The following ADAMTS17 variants were observed in gnomAD, a reference collection of about 807,000 sequenced individuals.
ADAMTS17 encodes A disintegrin and metalloproteinase with thrombospondin motifs 17.
A neutral mutation model predicts 141.5 loss-of-function variants in ADAMTS17; 113 were observed. The ratio of observed to expected loss-of-function variants is 0.80; its 90% confidence interval spans 0.69 to 0.93. The LOEUF (loss-of-function observed/expected upper bound fraction) is 0.93. Ranked by LOEUF, ADAMTS17 falls within the 40% of genes least tolerant of loss-of-function variation. The pLI is 0.00. For missense variants in ADAMTS17, 1,659 were observed against 1,517.9 expected (o/e 1.09, Z -1.54); for synonymous variants, 768 against 630.6 (o/e 1.22, Z -3.27).
At chr15:100,126,461 G>A (rs933075884) in intron 12 of ADAMTS17, 24 of 152,374 alleles carry the variant, frequency 1.6e-4, no homozygotes, top group African/African-American at 5.5e-4. Context: ...CTGTGTTGAA[G>A]CTTGTTCTCA....
At chr15:100,097,160 C>CT (rs1029941017) in intron 14 of ADAMTS17, among the ~76,000 whole-genome samples, 10 of 152,272 alleles carry the variant, frequency 6.6e-5, no homozygotes, top group African/African-American at 2.2e-4. Context: ...GTTTTGGACT[C>CT]TTTTTTTCTT....
intron 3 of ADAMTS17, among the ~76,000 whole-genome samples, chr15:100,327,348 T>G (rs141398667): frequency 2.1e-3 from 325 of 152,350 alleles, no homozygotes; most frequent in African/African-American, 7.6e-3. Context: ...CACAATGATT[T>G]TTTGAAACAA....
chr15:100,295,455 A>T (rs903080275), intron 3 of ADAMTS17, among the ~76,000 whole-genome samples: 2 of 152,108 alleles, frequency 1.3e-5, no homozygotes, highest in African/African-American at 2.4e-5. Flanking sequence ...ATACAGGACA[A>T]CTATGGTTCC....
At chr15:100,084,789 G>T (rs2034991330) in intron 15 of ADAMTS17, among the ~76,000 whole-genome samples, 1 of 152,220 alleles carries the variant, frequency 6.6e-6, no homozygotes, top group Non-Finnish European at 1.5e-5. Context: ...GGTCCTCACT[G>T]TCAGAAGGAA....
Position 100,290,213 on chromosome 15 carries a change from A to AAAATCAG in ADAMTS17, c.617-8813_617-8812insCTGATTT, listed in dbSNP as rs1478359728. Among the ~76,000 whole-genome samples the AAAATCAG allele has an allele frequency of 3.3e-5, 5 of 152,196 alleles. No homozygotes were observed. In the East Asian group the frequency reaches 9.6e-4, roughly 29 times the overall value. ...AAATCAGTAGCATTTCTATATACCA[A>AAAATCAG]TGACATCCAAGATGAGTGCAAATCA... On this transcript the variant is annotated intron_variant, in intron 3 of 21. Coordinates refer to ENST00000268070, the MANE Select transcript of ADAMTS17 (RefSeq NM_139057.4).
At chr15:100,289,480 A>C (rs1470432874) in intron 3 of ADAMTS17, among the ~76,000 whole-genome samples, 2 of 152,110 alleles carry the variant, frequency 1.3e-5, no homozygotes, top group Non-Finnish European at 2.9e-5. Context: ...TCCCTAACTC[A>C]TTCTATATGG....
intron 3 of ADAMTS17, among the ~76,000 whole-genome samples, chr15:100,316,097 G>GT (rs1029831786): frequency 5.3e-5 from 8 of 152,176 alleles, no homozygotes; most frequent in Admixed American, 3.3e-4. Flanking sequence ...ACTACACAAG[G>GT]TTTTTTAGAA....
chr15:100,201,621 C>T (rs2141652315), intron 7 of ADAMTS17, among the ~76,000 whole-genome samples: 1 of 152,308 alleles, frequency 6.6e-6, no homozygotes, highest in East Asian at 1.9e-4. Context: ...GGCCCAGGTA[C>T]CTCATTGTGG....
chr15:100,223,844 TTATTAAG>T (rs2042218123), intron 7 of ADAMTS17, among the ~76,000 whole-genome samples: 1 of 151,842 alleles, frequency 6.6e-6, no homozygotes, highest in Admixed American at 6.6e-5. Context: ...TATATGGAGT[TTATTAAG>T]TATTAACTTA....
chr15:100,311,347 G>A (rs1055977754), intron 3 of ADAMTS17, among the ~76,000 whole-genome samples: 3 of 152,200 alleles, frequency 2.0e-5, no homozygotes, highest in African/African-American at 2.4e-5. Context: ...TCACTCAGCC[G>A]CCTGGCCCAT....
chr15:100,084,355 T>G (rs913981655), intron 15 of ADAMTS17, among the ~76,000 whole-genome samples: 2 of 152,220 alleles, frequency 1.3e-5, no homozygotes, highest in African/African-American at 4.8e-5. Context: ...AAGCTCGAAC[T>G]GGGTGGAGCC....
In ADAMTS17 at chr15:100,221,449, A is replaced by G. The variant is rs377393002; in HGVS notation, c.1076-22026T>C. On this transcript the variant is annotated intron_variant, in intron 7 of 21. Coordinates refer to ENST00000268070, the MANE Select transcript of ADAMTS17 (RefSeq NM_139057.4). ...GCACTATTTGTACAAACTATATGTGAATAAAGTTGTTCTGAATGGTCAGCC... is the reference window on the plus strand; with the variant it reads ...GCACTATTTGTACAAACTATATGTGGATAAAGTTGTTCTGAATGGTCAGCC... Among the ~76,000 whole-genome samples the G allele has an allele frequency of 7.4e-4, 113 of 152,306 alleles. No homozygotes were observed. In the South Asian group the frequency reaches 0.023, roughly 30 times the overall value.
chr15:100,081,094 G>T (rs1348408448), intron 15 of ADAMTS17, among the ~76,000 whole-genome samples: 1 of 152,192 alleles, frequency 6.6e-6, no homozygotes, highest in Non-Finnish European at 1.5e-5. Context: ...GGGGAAGGCA[G>T]ATCCACCCTT....
At position 100,211,298 on chromosome 15, in the gene ADAMTS17, CAAAAAAAA is replaced by C. The variant is rs11323381; in HGVS notation, c.1076-11883_1076-11876del. 2.5e-3 allele frequency among the ~76,000 whole-genome samples: 244 copies of C among 95,790 alleles called. 1 individual carries two copies. The highest frequency in any genetic ancestry group is 9.5e-3 in the African/African-American group (239 of 25,164). The allele number at this position is 95,790 out of a possible 152,430, so 62.8% of individuals were successfully genotyped here. On this transcript the variant is annotated intron_variant, in intron 7 of 21. Coordinates refer to ENST00000268070, the MANE Select transcript of ADAMTS17 (RefSeq NM_139057.4). The stretch of plus-strand genomic sequence containing the variant: ...GCAATAGAGCAAGACAACTTCATCT[CAAAAAAAA>C]AAAAAAAAAAAAAAGTTAGAAGAGC...
At chr15:100,094,405 G>A (rs2035640797) in intron 15 of ADAMTS17, among the ~76,000 whole-genome samples, 1 of 152,256 alleles carries the variant, frequency 6.6e-6, no homozygotes, top group Non-Finnish European at 1.5e-5. Flanking sequence ...GTGAGCAGGA[G>A]AGGAGGACAT....
chr15:100,257,212 G>C (rs944523039), intron 6 of ADAMTS17: 4 of 152,370 alleles, frequency 2.6e-5, no homozygotes, highest in African/African-American at 9.6e-5. Flanking sequence ...GGAAAGGACA[G>C]TTTCTCCAGG....
intron 4 of ADAMTS17, among the ~76,000 whole-genome samples, chr15:100,272,937 A>G (rs1270566904): frequency 2.0e-5 from 3 of 152,044 alleles, no homozygotes; most frequent in Non-Finnish European, 4.4e-5. Flanking sequence ...CTTTTCCTGT[A>G]TAAATTGGGA....
In ADAMTS17 at chr15:100,262,176, C is replaced by T. The variant is rs1159030524; in HGVS notation, c.873+176G>A. On this transcript the variant is annotated intron_variant, in intron 5 of 21. Transcript: ENST00000268070. ...GGGTTCCCTGAGATTCTCAACAGCC[C>T]CCCCTCACACCATGCTTCCGGTACT... Among the ~76,000 whole-genome samples the T allele has an allele frequency of 3.9e-5, 6 of 152,100 alleles. No individual in the cohort carries two copies. The South Asian group carries it at 1.0e-3, about 26-fold the overall frequency.
intron 15 of ADAMTS17, among the ~76,000 whole-genome samples, chr15:100,057,315 C>T (rs980861314): frequency 6.6e-6 from 1 of 152,146 alleles, no homozygotes; most frequent in African/African-American, 2.4e-5. Context: ...GTGCCCTGTA[C>T]AAAGGAGACA....
Sources: allele counts gnomAD v4.1 joint callset (sites outside exome capture counted in the v4.1 genomes callset), GRCh38; gene constraint gnomAD v4.1.1; transcripts MANE v1.5; gene names NCBI Gene and HGNC (gene_info 2026-07-23, HGNC 2026-07-21).